The following ADAMTS16 variants were observed in gnomAD, a reference collection of about 807,000 sequenced individuals.
The protein encoded by ADAMTS16 is A disintegrin and metalloproteinase with thrombospondin motifs 16.
Under a neutral mutation model 145.8 loss-of-function variants are expected in ADAMTS16, and 94 were observed. The observed-to-expected ratio is 0.64, with a 90% CI of 0.55 to 0.77. The LOEUF is 0.77. Ranked by LOEUF, ADAMTS16 falls within the 30% of genes least tolerant of loss-of-function variation. ADAMTS16 has a pLI of 0.00. For missense variants in ADAMTS16, 1,585 were observed against 1,591.5 expected, an observed-to-expected ratio of 1.00 and a Z score of 0.07; for synonymous variants, 659 against 604.3, an observed-to-expected ratio of 1.09 and a Z score of -1.33.
chr5:5,306,177 G>A (rs1221916373), intron 20 of ADAMTS16, among the ~76,000 whole-genome samples: 3 of 152,178 alleles, frequency 2.0e-5, no homozygotes, highest in African/African-American at 4.8e-5. Flanking sequence ...ATGTACTTAT[G>A]TATTAAGTTT....
chr5:5,181,950 GA>G, intron 3 of ADAMTS16, 93 bp from the exon 4 acceptor site: 1 of 1,392,260 alleles, frequency 7.2e-7, no homozygotes, highest in African/African-American at 1.4e-5. Context: ...ATGCTTCCAA[GA>G]GAATAATAAC....
At chr5:5,237,196 A>G in intron 14 of ADAMTS16, 97 bp downstream of exon 14, 2 of 1,332,824 alleles carry the variant, frequency 1.5e-6, no homozygotes, top group Non-Finnish European at 2.0e-6. Flanking sequence ...CATATGAGAC[A>G]AGCCTTTCCC....
chr5:5,199,694 G>A (rs528155519), intron 8 of ADAMTS16, among the ~76,000 whole-genome samples: 9 of 152,282 alleles, frequency 5.9e-5, no homozygotes, highest in East Asian at 1.9e-4. Flanking sequence ...CAGCTCAAAC[G>A]CCTGGATCTC....
intron 3 of ADAMTS16, among the ~76,000 whole-genome samples, chr5:5,160,350 T>C (rs1734709880): frequency 6.6e-6 from 1 of 152,222 alleles, no homozygotes; most frequent in African/African-American, 2.4e-5. Flanking sequence ...AATTATCTAT[T>C]CTGCCTTCAG....
Position 5,206,287 on chromosome 5 carries a change from G to A in ADAMTS16, c.1452-2806G>A, listed in dbSNP as rs867334474. On this transcript the variant is annotated intron_variant, in intron 9 of 22. Coordinates refer to ENST00000274181, the MANE Select transcript of ADAMTS16 (RefSeq NM_139056.4). ...TAAAAATACAAAAAATTAGCCGGGC[G>A]TAGTGGCGGGCGCCTGTAGTCCCAG... Among the ~76,000 whole-genome samples, 42 of 146,622 alleles carry A rather than the reference G, an allele frequency of 2.9e-4. 1 individual carries two copies. The highest frequency in any genetic ancestry group is 3.5e-3 in the Middle Eastern group (1 of 284).
At chr5:5,199,237 A>T (rs1346460) in intron 8 of ADAMTS16, among the ~76,000 whole-genome samples, 2 of 151,980 alleles carry the variant, frequency 1.3e-5, no homozygotes, top group Non-Finnish European at 2.9e-5. Flanking sequence ...TGATTCTCAC[A>T]GGTGCACGGC....
chr5:5,300,045 G>A (rs1739707603), intron 18 of ADAMTS16, among the ~76,000 whole-genome samples: 1 of 152,186 alleles, frequency 6.6e-6, no homozygotes. Flanking sequence ...AGGACTGTTT[G>A]AATGGAGTGC....
At chr5:5,212,044 G>A (rs991554772) in intron 10 of ADAMTS16, among the ~76,000 whole-genome samples, 1 of 151,878 alleles carries the variant, frequency 6.6e-6, no homozygotes, top group Admixed American at 6.6e-5. Flanking sequence ...AGAAATAACT[G>A]TTTTTTAAAT....
At chr5:5,250,665 G>A (rs1315166223) in intron 17 of ADAMTS16, among the ~76,000 whole-genome samples, 5 of 151,348 alleles carry the variant, frequency 3.3e-5, no homozygotes, top group Non-Finnish European at 7.4e-5. Context: ...CTTCTGCTAA[G>A]AAAGGTACTT....
intron 18 of ADAMTS16, among the ~76,000 whole-genome samples, chr5:5,279,212 A>G (rs963397363): frequency 1.3e-5 from 2 of 152,154 alleles, no homozygotes; most frequent in Non-Finnish European, 2.9e-5. Context: ...GATGCCAGGC[A>G]TTGTCTGTCT....
At chr5:5,162,045 G>A (rs1258478058) in intron 3 of ADAMTS16, among the ~76,000 whole-genome samples, 1 of 152,126 alleles carries the variant, frequency 6.6e-6, no homozygotes, top group Non-Finnish European at 1.5e-5. Context: ...TTCCATACTT[G>A]GTTGTTATGG....
At chr5:5,297,962 C>T (rs531036461) in intron 18 of ADAMTS16, among the ~76,000 whole-genome samples, 5 of 152,312 alleles carry the variant, frequency 3.3e-5, no homozygotes, top group African/African-American at 7.2e-5. Context: ...ATGCTCACAG[C>T]GAGCCCTGGA....
At chr5:5,192,538 A>T (rs1330473874) in intron 8 of ADAMTS16, among the ~76,000 whole-genome samples, 1 of 152,158 alleles carries the variant, frequency 6.6e-6, no homozygotes, top group Non-Finnish European at 1.5e-5. Flanking sequence ...CTGACAAGAG[A>T]TCAGGCAGGC....
At chr5:5,280,434 C>A (rs762956317) in intron 18 of ADAMTS16, among the ~76,000 whole-genome samples, 3 of 152,138 alleles carry the variant, frequency 2.0e-5, no homozygotes, top group Non-Finnish European at 4.4e-5. Flanking sequence ...AGTTGTGTGT[C>A]TTATGACTAC....
At chr5:5,177,703 A>G (rs1326627954) in intron 3 of ADAMTS16, among the ~76,000 whole-genome samples, 1 of 152,236 alleles carries the variant, frequency 6.6e-6, no homozygotes. Context: ...CTGAAATATC[A>G]CTAAGAAGAC....
chr5:5,255,884 T>A (rs189597014), intron 17 of ADAMTS16, among the ~76,000 whole-genome samples: 53 of 152,362 alleles, frequency 3.5e-4, no homozygotes, highest in Middle Eastern at 3.4e-3. Context: ...TAAAAATATC[T>A]GGTTCACTTA....
intron 18 of ADAMTS16, among the ~76,000 whole-genome samples, chr5:5,283,466 C>A (rs9688232): frequency 0.97 from 146,898 of 150,976 alleles, 71,591 homozygotes; most frequent in East Asian, 1. Flanking sequence ...CCATGCCCCT[C>A]CCCCCACCTC....
chr5:5,211,849 A>G (rs1359104262), intron 10 of ADAMTS16, among the ~76,000 whole-genome samples: 1 of 152,146 alleles, frequency 6.6e-6, no homozygotes, highest in Non-Finnish European at 1.5e-5. Context: ...TTGCCAAATA[A>G]TTCTCCAGAT....
intron 3 of ADAMTS16, among the ~76,000 whole-genome samples, chr5:5,175,605 G>C (rs1043947570): frequency 6.6e-6 from 1 of 152,150 alleles, no homozygotes; most frequent in African/African-American, 2.4e-5. Context: ...TTGTGGCCTA[G>C]ACTGCCTTTC....
Sources: gnomAD v4.1 joint callset for allele counts (sites outside exome capture counted in the v4.1 genomes callset) on GRCh38, gnomAD v4.1.1 for gene constraint, MANE v1.5 for transcripts, NCBI Gene and HGNC (gene_info 2026-07-23, HGNC 2026-07-21) for gene names.